MGMT: variants seen among roughly 807,000 people sequenced by gnomAD.
MGMT encodes the protein methylated-DNA--protein-cysteine methyltransferase.
Under a neutral mutation model 15.9 loss-of-function variants are expected in MGMT, and 14 were observed. The ratio of observed to expected loss-of-function variants is 0.88; its 90% CI spans 0.58 to 1.37. The LOEUF is 1.37. Ranked by LOEUF, MGMT falls within the 40% of genes most tolerant of loss-of-function variation. The pLI is 0.00. For synonymous variants in MGMT, 130 were observed against 118.2 expected, an observed-to-expected ratio of 1.10 and a Z score of -0.65; for missense variants, 282 against 268.1, an observed-to-expected ratio of 1.05 and a Z score of -0.36.
At chr10:129,617,743 T>G (rs1276153307) in intron 2 of MGMT, among the ~76,000 whole-genome samples, 1 of 152,216 alleles carries the variant, frequency 6.6e-6, no homozygotes, top group African/African-American at 2.4e-5. Flanking sequence ...TGAAAAGTGT[T>G]TGTTCATGTC....
At chr10:129,690,297 C>T (rs1564762447) in intron 2 of MGMT, among the ~76,000 whole-genome samples, 2 of 152,184 alleles carry the variant, frequency 1.3e-5, no homozygotes, top group Admixed American at 6.5e-5. Flanking sequence ...TATATTTTGT[C>T]AATTTTAAAG....
At chr10:129,657,707 G>GCA (rs57838117) in intron 2 of MGMT, among the ~76,000 whole-genome samples, 1,264 of 111,538 alleles carry the variant, frequency 0.011, 13 homozygotes, top group Non-Finnish European at 0.016. Context: ...ACACACACAC[G>GCA]CACACACACA....
intron 2 of MGMT, among the ~76,000 whole-genome samples, chr10:129,662,607 G>C (rs1292503532): frequency 6.6e-6 from 1 of 152,154 alleles, no homozygotes; most frequent in Admixed American, 6.5e-5. Context: ...GGAACTGTCA[G>C]GGGGCTTAGC....
chr10:129,651,673 T>C (rs1364189036), intron 2 of MGMT, among the ~76,000 whole-genome samples: 1 of 152,156 alleles, frequency 6.6e-6, no homozygotes, highest in Non-Finnish European at 1.5e-5. Context: ...ACCGGTCGTT[T>C]GCCTGAGAGA....
At position 129,570,033 on chromosome 10, in the gene MGMT, C is replaced by G. The variant is rs535399910; in HGVS notation, c.125+33656C>G. Among the ~76,000 whole-genome samples the G allele has an allele frequency of 6.6e-5, 10 of 152,304 alleles. No homozygotes were observed. The South Asian group carries it at 8.3e-4, about 13-fold the overall frequency. On this transcript the variant is annotated intron_variant, in intron 2 of 4. Transcript: ENST00000651593. ...AGCCAAAGTACATCTTTTGTCTGTG[C>G]GAAGAGAAAGTTCCATTTCCCTTTA... is the stretch of plus-strand genomic sequence containing the variant.
intron 2 of MGMT, among the ~76,000 whole-genome samples, chr10:129,603,019 GTC>G (rs1310846602): frequency 1.3e-5 from 2 of 152,280 alleles, no homozygotes; most frequent in African/African-American, 4.8e-5. Context: ...CTATGTCACA[GTC>G]TCTCCCAAAA....
chr10:129,498,667 C>G (rs1376012639), intron 1 of MGMT, among the ~76,000 whole-genome samples: 1 of 152,090 alleles, frequency 6.6e-6, no homozygotes, highest in African/African-American at 2.4e-5. Flanking sequence ...TTGGACCTGC[C>G]CATCGTTTTT....
intron 2 of MGMT, among the ~76,000 whole-genome samples, chr10:129,639,321 A>G (rs564561093): frequency 3.3e-5 from 5 of 152,306 alleles, no homozygotes; most frequent in South Asian, 2.1e-4. Flanking sequence ...CAGTTCACCA[A>G]AAAGACCTAA....
intron 2 of MGMT, among the ~76,000 whole-genome samples, chr10:129,610,534 GC>G (rs1406648392): frequency 1.5e-4 from 23 of 152,288 alleles, no homozygotes; most frequent in African/African-American, 5.1e-4. Context: ...GATTCCTCAT[GC>G]CCCTCATAGC....
chr10:129,566,543 G>A lies in MGMT; in HGVS notation c.125+30166G>A, dbSNP rs1337524020. Among the ~76,000 whole-genome samples the A allele has an allele frequency of 1.3e-5, 2 of 152,124 alleles. No homozygotes were observed. Among genetic ancestry groups the A allele is most frequent in the African/African-American group, 4.8e-5 (2 of 41,430 alleles). On this transcript the variant is annotated intron_variant, in intron 2 of 4. Transcript: ENST00000651593. The surrounding 1 kb of genome is among the most constrained non-coding windows in gnomAD (Gnocchi z 4.1). ...CGAGCTTCCCATTCCGTGTCTCTCTGGAGGGCCCATCATCATCCTGGTGGA... is the reference window on the plus strand; with the variant it reads ...CGAGCTTCCCATTCCGTGTCTCTCTAGAGGGCCCATCATCATCCTGGTGGA...
At chr10:129,738,052 C>T (rs900617973) in intron 3 of MGMT, among the ~76,000 whole-genome samples, 1 of 152,252 alleles carries the variant, frequency 6.6e-6, no homozygotes, top group African/African-American at 2.4e-5. Context: ...CAGAGGCAGG[C>T]AGGCCTCCTT....
At chr10:129,717,337 C>A (rs1460989748) in intron 3 of MGMT, among the ~76,000 whole-genome samples, 1 of 152,194 alleles carries the variant, frequency 6.6e-6, no homozygotes, top group Admixed American at 6.5e-5. Flanking sequence ...ATCCTTCTCC[C>A]AGTCTCTCGT....
In MGMT at chr10:129,674,229, A is replaced by G. The variant is rs140855076; in HGVS notation, c.126-33666A>G. Among the ~76,000 whole-genome samples the G allele has an allele frequency of 6.7e-3, 1,020 of 152,286 alleles. 17 individuals are homozygous for G. The highest frequency in any genetic ancestry group is 0.023 in the African/African-American group (940 of 41,558). On this transcript the variant is annotated intron_variant, in intron 2 of 4. Transcript: ENST00000651593. ...TTTTATTCTAATTCTGAGGTTACCA[A>G]TTCCTTAAAATTAGTAAATTTTCAC...
At chr10:129,485,933 C>T (rs1438976706) in intron 1 of MGMT, among the ~76,000 whole-genome samples, 1 of 152,176 alleles carries the variant, frequency 6.6e-6, no homozygotes, top group East Asian at 1.9e-4. Context: ...TCACTGACTG[C>T]TTTCTAGGCA....
rs917566965 is a variant in MGMT, at chr10:129,768,210, A to G, written c.*1213A>G. On this transcript the variant is annotated 3_prime_UTR_variant, in exon 5 of 5. Coordinates refer to ENST00000651593, the MANE Select transcript of MGMT (RefSeq NM_002412.5). ...TGGGACCCGCCTTCTATTTCATTTT[A>G]TCTTAACACCAACGAAAGAAAACCG... Among the ~76,000 whole-genome samples the G allele has an allele frequency of 6.6e-6, 1 of 152,178 alleles. No individual in the cohort carries two copies. The highest frequency in any genetic ancestry group is 2.1e-4 in the South Asian group (1 of 4,824).
intron 2 of MGMT, among the ~76,000 whole-genome samples, chr10:129,600,616 A>G (rs941174217): frequency 6.6e-6 from 1 of 152,232 alleles, no homozygotes. Context: ...CATTACTTTC[A>G]TTGGATTACT....
chr10:129,696,662 T>C (rs1372329085), intron 2 of MGMT, among the ~76,000 whole-genome samples: 13 of 152,242 alleles, frequency 8.5e-5, no homozygotes, highest in Admixed American at 2.0e-4. Context: ...CCTTGTGTCT[T>C]GTCTACCCAT....
At chr10:129,656,626 A>C (rs1398167305) in intron 2 of MGMT, among the ~76,000 whole-genome samples, 1 of 152,224 alleles carries the variant, frequency 6.6e-6, no homozygotes, top group African/African-American at 2.4e-5. Flanking sequence ...ACATCAATTA[A>C]TATATGTAAG....
Position 129,661,119 on chromosome 10 carries a change from T to C in MGMT, c.126-46776T>C, listed in dbSNP as rs545093105. On this transcript the variant is annotated intron_variant, in intron 2 of 4. Coordinates refer to ENST00000651593, the MANE Select transcript of MGMT (RefSeq NM_002412.5). ...TGTGAGTAGGACTTTAACTTCCTAA[T>C]ATATCATAGGCTTTCCGCAGCTGGT... Among the ~76,000 whole-genome samples, 6 of 152,328 alleles carry C rather than the reference T, an allele frequency of 3.9e-5. 1 individual carries two copies. Among genetic ancestry groups the C allele is most frequent in the African/African-American group, 1.4e-4 (6 of 41,576 alleles).
Sources: allele counts gnomAD v4.1 joint callset (sites outside exome capture counted in the v4.1 genomes callset), GRCh38; gene constraint gnomAD v4.1.1; non-coding constraint Gnocchi (gnomAD v3.1); transcripts MANE v1.5; gene names NCBI Gene and HGNC (gene_info 2026-07-23, HGNC 2026-07-21).